LRMDA: variants seen among roughly 807,000 people sequenced by gnomAD.
LRMDA encodes leucine-rich melanocyte differentiation-associated protein.
A neutral mutation model predicts 29.8 loss-of-function variants in LRMDA; 18 were observed. That is an observed-to-expected ratio of 0.60 (90% confidence interval 0.42 to 0.90). LRMDA has a LOEUF of 0.90. Ranked by LOEUF, LRMDA falls within the 40% of genes least tolerant of loss-of-function variation. The pLI, the probability that LRMDA is intolerant of heterozygous loss-of-function variation, is 0.00. For synonymous variants in LRMDA, 125 were observed against 109.4 expected (o/e 1.14, Z -0.89); for missense variants, 273 against 273.9 (o/e 1.00, Z 0.02).
rs1480774074 is a variant in LRMDA, at chr10:75,644,045, A to G, written c.131+205551A>G. On this transcript the variant is annotated intron_variant, in intron 2 of 6. Coordinates refer to ENST00000611255, the MANE Select transcript of LRMDA (RefSeq NM_001305581.2). ...GTTGGACATGAGTTAAATGTTCGAG[A>G]CATGGGATTCAGGATTAGAATGTAA... 3.9e-5 allele frequency among the ~76,000 whole-genome samples: 6 copies of G among 152,348 alleles called. No homozygotes were observed. In the East Asian group the frequency reaches 7.7e-4, roughly 20 times the overall value.
chr10:76,084,250 T>A (rs1849096903), intron 5 of LRMDA, among the ~76,000 whole-genome samples: 1 of 151,428 alleles, frequency 6.6e-6, no homozygotes, highest in South Asian at 2.1e-4. Context: ...CAGGCTGGAG[T>A]ACAGTGGTGT....
chr10:76,050,851 AG>A (rs1848519668), intron 4 of LRMDA, among the ~76,000 whole-genome samples: 1 of 152,112 alleles, frequency 6.6e-6, no homozygotes, highest in African/African-American at 2.4e-5. Flanking sequence ...GAAGGTTAAC[AG>A]TAGACAAGTC....
chr10:75,474,442 G>A (rs1844763825), intron 2 of LRMDA, among the ~76,000 whole-genome samples: 1 of 152,244 alleles, frequency 6.6e-6, no homozygotes, highest in African/African-American at 2.4e-5. Flanking sequence ...CATGGCAGAA[G>A]GGGCAAGGGG....
At chr10:75,604,292 C>T (rs1312653721) in intron 2 of LRMDA, among the ~76,000 whole-genome samples, 1 of 152,092 alleles carries the variant, frequency 6.6e-6, no homozygotes, top group African/African-American at 2.4e-5. Flanking sequence ...TTATCTGTTA[C>T]AGTAGAAATG....
At chr10:76,055,626 T>A (rs781039145) in intron 4 of LRMDA, among the ~76,000 whole-genome samples, 4 of 151,348 alleles carry the variant, frequency 2.6e-5, no homozygotes, top group Non-Finnish European at 5.9e-5. Context: ...AGGTGTGGAG[T>A]GGTAAGGGGT....
chr10:75,822,081 C>A (rs923656417), intron 2 of LRMDA, among the ~76,000 whole-genome samples: 24 of 151,980 alleles, frequency 1.6e-4, no homozygotes, highest in Non-Finnish European at 3.4e-4. Context: ...CCTAGAAAAC[C>A]ATAAACCCTC....
chr10:75,877,415 C>T (rs970863816), intron 2 of LRMDA, among the ~76,000 whole-genome samples: 1 of 152,344 alleles, frequency 6.6e-6, no homozygotes. Context: ...CCCACCAATA[C>T]AGTTACCCTT....
At chr10:76,246,477 G>T (rs1385510401) in intron 5 of LRMDA, among the ~76,000 whole-genome samples, 2 of 152,144 alleles carry the variant, frequency 1.3e-5, no homozygotes, top group African/African-American at 4.8e-5. Context: ...AAAATGGAGG[G>T]GTCATTAGAA....
chr10:75,838,382 T>C (rs1348213634), intron 2 of LRMDA, among the ~76,000 whole-genome samples: 2 of 152,236 alleles, frequency 1.3e-5, no homozygotes, highest in Non-Finnish European at 2.9e-5. Flanking sequence ...GAACATTTTT[T>C]TTCTTGCTTT....
chr10:75,649,799 G>C (rs985939823), intron 2 of LRMDA, among the ~76,000 whole-genome samples: 3 of 152,180 alleles, frequency 2.0e-5, no homozygotes, highest in Non-Finnish European at 2.9e-5. Context: ...GTTTGGGTGT[G>C]TGTGATGATG....
At chr10:75,964,140 G>A (rs999321755) in intron 2 of LRMDA, among the ~76,000 whole-genome samples, 1 of 152,156 alleles carries the variant, frequency 6.6e-6, no homozygotes, top group African/African-American at 2.4e-5. Flanking sequence ...CACAGAGAAG[G>A]AATGCGTTAC....
chr10:75,642,535 A>G (rs1453040364), intron 2 of LRMDA: 3 of 151,936 alleles, frequency 2.0e-5, no homozygotes, highest in Non-Finnish European at 4.4e-5. Context: ...CAAATACCCA[A>G]CTTTTGCTGT....
chr10:76,089,265 AT>A (rs1463929502), intron 5 of LRMDA, among the ~76,000 whole-genome samples: 1 of 152,156 alleles, frequency 6.6e-6, no homozygotes, highest in Non-Finnish European at 1.5e-5. Flanking sequence ...TGGGGTCTGA[AT>A]CCAGGGCTGT....
At chr10:75,854,691 T>C (rs1844792317) in intron 2 of LRMDA, among the ~76,000 whole-genome samples, 1 of 152,116 alleles carries the variant, frequency 6.6e-6, no homozygotes, top group Non-Finnish European at 1.5e-5. Flanking sequence ...TAACATTAAG[T>C]ATATCTCCTA....
At chr10:76,070,828 A>G (rs1848863866) in intron 5 of LRMDA, among the ~76,000 whole-genome samples, 1 of 152,190 alleles carries the variant, frequency 6.6e-6, no homozygotes. Context: ...GAGCTTGGGC[A>G]TCTCCTCAGC....
chr10:75,493,885 T>C (rs1317691017), intron 2 of LRMDA, among the ~76,000 whole-genome samples: 1 of 131,216 alleles, frequency 7.6e-6, no homozygotes, highest in African/African-American at 3.0e-5. Flanking sequence ...GACTGACTTG[T>C]CTGAAATTTA....
intron 2 of LRMDA, among the ~76,000 whole-genome samples, chr10:75,463,644 C>T (rs982277783): frequency 1.3e-5 from 2 of 151,946 alleles, no homozygotes; most frequent in African/African-American, 4.8e-5. Context: ...CATGCCACCA[C>T]ACCAGCTAAT....
chr10:76,230,361 A>C (rs1413055902), intron 5 of LRMDA, among the ~76,000 whole-genome samples: 1 of 152,198 alleles, frequency 6.6e-6, no homozygotes, highest in East Asian at 1.9e-4. Flanking sequence ...AAATGCTGGG[A>C]GAATATACTT....
intron 2 of LRMDA, among the ~76,000 whole-genome samples, chr10:75,842,343 A>T (rs1844555273): frequency 6.6e-6 from 1 of 152,206 alleles, no homozygotes; most frequent in Admixed American, 6.5e-5. Flanking sequence ...TTTATTTGGC[A>T]AAGGAATTTT....
Sources: allele counts gnomAD v4.1 joint callset (sites outside exome capture counted in the v4.1 genomes callset), GRCh38; gene constraint gnomAD v4.1.1; transcripts MANE v1.5; gene names NCBI Gene and HGNC (gene_info 2026-07-23, HGNC 2026-07-21).